Variants in STX7 observed in about 807,000 individuals in gnomAD.
STX7 encodes the protein syntaxin 7.
STX7 carries 34 observed loss-of-function variants against 39.6 expected under a neutral mutation model. That is an observed-to-expected ratio of 0.86 (90% CI 0.65 to 1.14). The LOEUF (loss-of-function observed/expected upper bound fraction) is 1.14. Among genes scored for constraint, STX7 ranks in the 50% most tolerant of loss-of-function variants. The pLI is 0.00. For synonymous variants in STX7, 119 were observed against 99.1 expected, an observed-to-expected ratio of 1.20 and a Z score of -1.19; for missense variants, 284 against 310.4, an observed-to-expected ratio of 0.92 and a Z score of 0.64.
At chr6:132,483,787 G>C (rs1371704610) in intron 2 of STX7, among the ~76,000 whole-genome samples, 1 of 152,110 alleles carries the variant, frequency 6.6e-6, no homozygotes, top group Non-Finnish European at 1.5e-5. Flanking sequence ...AAAAATGCTT[G>C]AGAAAAATAA....
chr6:132,471,510 G>T lies in STX7; in HGVS notation c.340C>A (p.Arg114=), dbSNP rs763486294. The change falls in exon 5 of 10, where the codon CGA becomes AGA. Residue 114 remains arginine, a synonymous_variant. Transcript: ENST00000367941. ...FQKVQRQAAE[R]EKEFVARVRA... ...ACTCGAGCAACAAACTCTTTCTCTC[G>T]CTCAGCAGCCTGCCTCTGGACCTTC... 1 of 1,613,814 alleles carries T rather than the reference G, an allele frequency of 6.2e-7. No homozygotes were observed. The highest frequency in any genetic ancestry group is 1.7e-5 in the Admixed American group (1 of 59,998).
Position 132,456,149 on chromosome 6 carries a change from T to A in STX7, c.*4609A>T, listed in dbSNP as rs1429094349. 1.3e-5 allele frequency: 2 copies of A among 152,166 alleles called. No homozygotes were observed. The highest frequency in any genetic ancestry group is 1.3e-4 in the Admixed American group (2 of 15,276). The allele number at this position is 152,166 out of a possible 1,614,324, so 9.4% of individuals were successfully genotyped here. A position where few individuals can be genotyped will look rare whatever the true frequency, so the allele number is the denominator to read the frequency against. ...CTGCCACCAAGAGAACGGCTCCTTTTTGGAGCCATTACACACAGATCATCA... is the reference window on the plus strand; with the variant it reads ...CTGCCACCAAGAGAACGGCTCCTTTATGGAGCCATTACACACAGATCATCA... On this transcript the variant is annotated 3_prime_UTR_variant, in exon 10 of 10. Coordinates refer to ENST00000367941, the MANE Select transcript of STX7 (RefSeq NM_003569.3).
intron 2 of STX7, among the ~76,000 whole-genome samples, chr6:132,485,465 C>G (rs1028994847): frequency 6.6e-6 from 1 of 152,082 alleles, no homozygotes; most frequent in Non-Finnish European, 1.5e-5. Context: ...ACAAATAAAG[C>G]TCCTATAAGT....
chr6:132,507,483 T>C (rs1263967315), intron 1 of STX7, among the ~76,000 whole-genome samples: 1 of 152,248 alleles, frequency 6.6e-6, no homozygotes, highest in African/African-American at 2.4e-5. Flanking sequence ...CCAACCTCAC[T>C]GGCCAAAGGT....
chr6:132,490,965 G>GCAGCACAGCACAGCA (rs71545037), intron 2 of STX7, among the ~76,000 whole-genome samples: 24,836 of 127,346 alleles, frequency 0.2, 3,143 homozygotes, highest in Non-Finnish European at 0.25. Flanking sequence ...GTCCCTCAGT[G>GCAGCACAGCACAGCA]CAGCACAGCA....
In STX7 at chr6:132,454,727, G is replaced by A. The variant is rs1049120015; in HGVS notation, c.*6031C>T. The A allele has an allele frequency of 2.0e-5, 3 of 151,988 alleles. No homozygotes were observed. The highest frequency in any genetic ancestry group is 7.2e-5 in the African/African-American group (3 of 41,382). The allele number at this position is 151,988 out of a possible 1,614,324, so 9.4% of individuals were successfully genotyped here. ...CAGGAAAAGACATAAGGACAATAGG[G>A]TAGCCCTAATTTTGAACAAAAAATG... is the stretch of plus-strand genomic sequence containing the variant. On this transcript the variant is annotated 3_prime_UTR_variant, in exon 10 of 10. Transcript: ENST00000367941.
chr6:132,465,154 G>A (rs1027545763), intron 8 of STX7, among the ~76,000 whole-genome samples: 5 of 152,064 alleles, frequency 3.3e-5, no homozygotes, highest in African/African-American at 1.2e-4. Flanking sequence ...ACAGTTCACT[G>A]ACCATACTTT....
intron 2 of STX7, among the ~76,000 whole-genome samples, chr6:132,482,807 C>T (rs958879262): frequency 1.1e-4 from 16 of 152,082 alleles, no homozygotes; most frequent in African/African-American, 3.6e-4. Flanking sequence ...CCTGCTCTTT[C>T]TCTGGGTTTT....
At chr6:132,509,844 G>C (rs1775804190) in intron 1 of STX7, among the ~76,000 whole-genome samples, 1 of 152,170 alleles carries the variant, frequency 6.6e-6, no homozygotes, top group African/African-American at 2.4e-5. Flanking sequence ...CTGCATATAG[G>C]CTAAATGGAT....
In STX7 at chr6:132,451,866, C is replaced by A. The variant is rs1246299124; in HGVS notation, c.*8892G>T. On this transcript the variant is annotated 3_prime_UTR_variant, in exon 10 of 10. Transcript: ENST00000367941. ...TCAAATGTTTTAAAAAGCGCTGACACCAATTCTATACAATCCGCTTTAGAA... is the reference window on the plus strand; with the variant it reads ...TCAAATGTTTTAAAAAGCGCTGACAACAATTCTATACAATCCGCTTTAGAA... 1 of 152,182 alleles carries A rather than the reference C, an allele frequency of 6.6e-6. No homozygotes were observed. Among genetic ancestry groups the A allele is most frequent in the African/African-American group, 2.4e-5 (1 of 41,448 alleles). 9.4% of individuals were successfully genotyped at this position (152,182 alleles called of 1,614,324 possible).
At chr6:132,473,411 T>C (rs180889970) in intron 3 of STX7, among the ~76,000 whole-genome samples, 1 of 152,144 alleles carries the variant, frequency 6.6e-6, no homozygotes, top group East Asian at 1.9e-4. Context: ...TATCCTCCCA[T>C]ATCTTTAAAT....
At chr6:132,512,935 G>T (rs1192522274) in intron 1 of STX7, 72 bp downstream of exon 1, 1 of 152,470 alleles carries the variant, frequency 6.6e-6, no homozygotes, top group East Asian at 1.9e-4. Flanking sequence ...AAACAAGAAG[G>T]CGCAGCAGCC....
chr6:132,463,361 G>A (rs1774467298), intron 9 of STX7, among the ~76,000 whole-genome samples: 1 of 152,174 alleles, frequency 6.6e-6, no homozygotes, highest in Non-Finnish European at 1.5e-5. Context: ...TCTGCATATT[G>A]TATGATGTAT....
intron 1 of STX7, among the ~76,000 whole-genome samples, chr6:132,510,435 T>C (rs1775818179): frequency 6.6e-6 from 1 of 152,248 alleles, no homozygotes; most frequent in Admixed American, 6.5e-5. Context: ...ACAAGATAAC[T>C]GATTGCAGTA....
In STX7 at chr6:132,459,905, G is replaced by C; in HGVS notation, c.*853C>G. The C allele has an allele frequency of 6.6e-6, 1 of 152,116 alleles. No individual in the cohort carries two copies. The highest frequency in any genetic ancestry group is 1.5e-5 in the Non-Finnish European group (1 of 68,026). The allele number at this position is 152,116 out of a possible 1,614,324, so 9.4% of individuals were successfully genotyped here. On this transcript the variant is annotated 3_prime_UTR_variant, in exon 10 of 10. Transcript: ENST00000367941. ...TAACCATTATTCTATAAGACATAAGGGAAGGTAAATAATGGCCCACAAAAC... is the reference window on the plus strand; with the variant it reads ...TAACCATTATTCTATAAGACATAAGCGAAGGTAAATAATGGCCCACAAAAC...
intron 2 of STX7, among the ~76,000 whole-genome samples, chr6:132,499,401 T>A (rs943868947): frequency 1.3e-5 from 2 of 152,184 alleles, no homozygotes; most frequent in East Asian, 3.8e-4. Flanking sequence ...TAAGCAGAGA[T>A]GAGGAGAAAA....
chr6:132,452,382 G>C lies in STX7; in HGVS notation c.*8376C>G, dbSNP rs992667333. 5.9e-5 allele frequency: 9 copies of C among 151,278 alleles called. 1 individual carries two copies. The highest frequency in any genetic ancestry group is 5.9e-4 in the Admixed American group (9 of 15,136). 9.4% of individuals were successfully genotyped at this position (151,278 alleles called of 1,614,324 possible). ...ATTTCTGCTGGAATTTCTACCCACT[G>C]CATTAAGGGACTGAAAGGAAAAAAA... On this transcript the variant is annotated 3_prime_UTR_variant, in exon 10 of 10. Transcript: ENST00000367941.
Position 132,449,243 on chromosome 6 carries a change from C to G in STX7, c.*11515G>C, listed in dbSNP as rs1774090440. 6.6e-6 allele frequency: 1 copy of G among 152,118 alleles called. No homozygotes were observed. Among genetic ancestry groups the G allele is most frequent in the South Asian group, 2.1e-4 (1 of 4,824 alleles). The allele number at this position is 152,118 out of a possible 1,614,324, so 9.4% of individuals were successfully genotyped here. On this transcript the variant is annotated 3_prime_UTR_variant, in exon 10 of 10. Coordinates refer to ENST00000367941, the MANE Select transcript of STX7 (RefSeq NM_003569.3). The stretch of plus-strand genomic sequence containing the variant: ...GCTCAAGTGATCCTCCCACTTGAGC[C>G]TCCCAAGTAGCTGGGACTACTGGTT...
chr6:132,460,614 C>T lies in STX7; in HGVS notation c.*144G>A. The T allele has an allele frequency of 1.8e-6, 1 of 569,892 alleles. No individual in the cohort carries two copies. Among genetic ancestry groups the T allele is most frequent in the South Asian group, 3.2e-5 (1 of 31,148 alleles). 35.3% of individuals were successfully genotyped at this position (569,892 alleles called of 1,614,324 possible). Reference sequence around the variant, plus strand: ...TATCAGATTTAATCCAAAGGAACCACCCCAACCCCCCCAATAAAAATAACA... The same window carrying T: ...TATCAGATTTAATCCAAAGGAACCATCCCAACCCCCCCAATAAAAATAACA... On this transcript the variant is annotated 3_prime_UTR_variant, in exon 10 of 10. Transcript: ENST00000367941.
Sources: allele counts gnomAD v4.1 joint callset (sites outside exome capture counted in the v4.1 genomes callset), GRCh38; gene constraint gnomAD v4.1.1; transcripts MANE v1.5; gene names NCBI Gene and HGNC (gene_info 2026-07-23, HGNC 2026-07-21).